Variants in RHOBTB1 observed in about 807,000 individuals in gnomAD.
The protein encoded by RHOBTB1 is Rho related BTB domain containing 1.
In RHOBTB1, 40 loss-of-function variants were observed where a neutral mutation model predicts 71.6. That is an observed-to-expected ratio of 0.56 (90% CI 0.43 to 0.73). The LOEUF (loss-of-function observed/expected upper bound fraction) is 0.73, where lower values mean the gene tolerates loss of function less well. Among genes scored for constraint, RHOBTB1 ranks in the 30% least tolerant of loss-of-function variants. RHOBTB1 has a pLI of 0.00. For missense variants in RHOBTB1, 797 were observed against 894.0 expected (o/e 0.89, Z 1.38); for synonymous variants, 319 against 334.9 (o/e 0.95, Z 0.52).
chr10:60,946,874 T>C (rs927919416), upstream of RHOBTB1, among the ~76,000 whole-genome samples: 6 of 152,190 alleles, frequency 3.9e-5, no homozygotes, highest in African/African-American at 1.4e-4. Flanking sequence ...AATTACCTAG[T>C]TGAATGCCTA....
intron 7 of RHOBTB1, among the ~76,000 whole-genome samples, chr10:60,878,823 AGCTG>A (rs1390016475): frequency 2.0e-5 from 3 of 152,104 alleles, no homozygotes; most frequent in African/African-American, 7.2e-5. Flanking sequence ...GGAGGTGGAG[AGCTG>A]TAGAGGTGGG....
At chr10:60,899,474 A>T (rs1296290690) in intron 4 of RHOBTB1, among the ~76,000 whole-genome samples, 1 of 152,196 alleles carries the variant, frequency 6.6e-6, no homozygotes, top group African/African-American at 2.4e-5. Flanking sequence ...GCTACATGGG[A>T]GGTCTCTGGG....
intron 9 of RHOBTB1, 25 bp from the exon 10 acceptor site, chr10:60,872,315 G>C: frequency 6.5e-7 from 1 of 1,549,404 alleles, no homozygotes; most frequent in Non-Finnish European, 8.9e-7. Context: ...GCAAAAGGAG[G>C]GTAAGACTAT....
rs1172532124 is a variant in RHOBTB1, at chr10:60,878,040, T to G, written c.1594A>C (p.Asn532His). Residue 532 changes from asparagine (N) to histidine (H), a missense_variant, in exon 8 of 11, where the codon AAC (asparagine) becomes CAC (histidine). Physicochemically the swap from Asn to His is moderately conservative, Grantham distance 68 (BLOSUM62 1). Coordinates refer to ENST00000337910, the MANE Select transcript of RHOBTB1 (RefSeq NM_014836.5). ...ANSEVYLPNI[N>H]KISMQAVLDY... ...AATACTGCTTGCATTGATATCTTGT[T>G]TATGTTCGGGAGATACACCTGAAAT... is the stretch of plus-strand genomic sequence containing the variant. The G allele has an allele frequency of 6.2e-7, 1 of 1,611,848 alleles. No individual in the cohort carries two copies. The highest frequency in any genetic ancestry group is 1.7e-5 in the Admixed American group (1 of 59,642).
At chr10:60,966,410 C>G (rs2085958958) in intron 2 of RHOBTB1, among the ~76,000 whole-genome samples, 1 of 151,856 alleles carries the variant, frequency 6.6e-6, no homozygotes, top group South Asian at 2.1e-4. Flanking sequence ...TAGCTCACCC[C>G]TGTAATCCCA....
intron 4 of RHOBTB1, among the ~76,000 whole-genome samples, chr10:60,905,699 C>T (rs1467899435): frequency 6.6e-6 from 1 of 152,070 alleles, no homozygotes; most frequent in East Asian, 1.9e-4. Context: ...CCTCCTGGTC[C>T]ACTTGAAGTT....
chr10:60,937,267 T>C (rs1429509826), intron 2 of RHOBTB1, among the ~76,000 whole-genome samples: 3 of 152,168 alleles, frequency 2.0e-5, no homozygotes, highest in Admixed American at 1.3e-4. Flanking sequence ...AGTTATCAAG[T>C]GCTGCAGATG....
intron 8 of RHOBTB1, 21 bp from the exon 9 acceptor site, chr10:60,875,063 A>T (rs1322765005): frequency 1.9e-6 from 3 of 1,602,094 alleles, no homozygotes; most frequent in African/African-American, 1.3e-5. Flanking sequence ...GAGAGGGGGC[A>T]GGAGAACATT....
chr10:60,966,482 C>A (rs1476307703), intron 2 of RHOBTB1, among the ~76,000 whole-genome samples: 1 of 150,328 alleles, frequency 6.7e-6, no homozygotes, highest in South Asian at 2.1e-4. Flanking sequence ...TCAGCTTGGG[C>A]AACATAGCCA....
At position 60,924,772 on chromosome 10, in the gene RHOBTB1, A is replaced by T. The variant is rs562464582; in HGVS notation, c.-10-13220T>A. Among the ~76,000 whole-genome samples the T allele has an allele frequency of 7.0e-4, 106 of 152,348 alleles. 3 individuals carry two copies. In the South Asian group the frequency reaches 0.02, roughly 29 times the overall value. Reference sequence around the variant, plus strand: ...CACAAAACAAGTCTCAAAAATTTTTAAAAAATTATATCCAGTATCTTTTCT... The same window carrying T: ...CACAAAACAAGTCTCAAAAATTTTTTAAAAATTATATCCAGTATCTTTTCT... On this transcript the variant is annotated intron_variant, in intron 2 of 10. Transcript: ENST00000337910.
intron 2 of RHOBTB1, among the ~76,000 whole-genome samples, chr10:60,980,629 T>G (rs1024944558): frequency 1.1e-4 from 17 of 152,076 alleles, no homozygotes; most frequent in Non-Finnish European, 2.9e-5. Flanking sequence ...TGTTTTATTT[T>G]CAAACTTAGA....
rs966869115 is a variant in RHOBTB1 at position 60,882,873 on chromosome 10, C to A, written c.1575+3239G>T. Among the ~76,000 whole-genome samples the A allele has an allele frequency of 4.6e-5, 7 of 152,186 alleles. No homozygotes were observed. The East Asian group carries it at 1.2e-3, about 25-fold the overall frequency. On this transcript the variant is annotated intron_variant, in intron 7 of 10. Coordinates refer to ENST00000337910, the MANE Select transcript of RHOBTB1 (RefSeq NM_014836.5). ...TTAACCCCGTATGGAAAGAATTTAA[C>A]AAGAAAACTCTAGCATAATAGTCGC...
At chr10:60,868,848 T>A (rs1482052857), downstream of RHOBTB1, among the ~76,000 whole-genome samples, 1 of 152,194 alleles carries the variant, frequency 6.6e-6, no homozygotes, top group East Asian at 1.9e-4. Context: ...GGTGGAAATG[T>A]GTTGGACATC....
At chr10:60,987,835 C>A (rs1308804876) in intron 1 of RHOBTB1, among the ~76,000 whole-genome samples, 1 of 151,152 alleles carries the variant, frequency 6.6e-6, no homozygotes, top group Non-Finnish European at 1.5e-5. Context: ...CTATCAAATG[C>A]TCTCCACCCC....
intron 4 of RHOBTB1, among the ~76,000 whole-genome samples, chr10:60,899,918 G>A (rs2082333533): frequency 6.6e-6 from 1 of 152,224 alleles, no homozygotes; most frequent in Admixed American, 6.5e-5. Flanking sequence ...GGCTAGGGAG[G>A]GCCTCGCTGA....
chr10:60,980,711 A>C (rs559042541), intron 2 of RHOBTB1, among the ~76,000 whole-genome samples: 23 of 152,328 alleles, frequency 1.5e-4, no homozygotes, highest in African/African-American at 5.1e-4. Flanking sequence ...GAAAAACCTA[A>C]ACATTGATGA....
At chr10:60,975,386 C>A (rs1320011458) in intron 2 of RHOBTB1, among the ~76,000 whole-genome samples, 1 of 152,078 alleles carries the variant, frequency 6.6e-6, no homozygotes, top group African/African-American at 2.4e-5. Context: ...AAAGACACTG[C>A]CTGCATTTGC....
intron 1 of RHOBTB1, among the ~76,000 whole-genome samples, chr10:60,942,614 C>T (rs999707545): frequency 6.6e-6 from 1 of 152,144 alleles, no homozygotes; most frequent in African/African-American, 2.4e-5. Flanking sequence ...AGAATGCAGA[C>T]ATTATTTATG....
intron 2 of RHOBTB1, among the ~76,000 whole-genome samples, chr10:60,984,805 G>A (rs1000975694): frequency 1.3e-5 from 2 of 152,104 alleles, no homozygotes; most frequent in East Asian, 3.8e-4. Flanking sequence ...AATATATGGT[G>A]TTTTAAACAT....
Sources: allele counts gnomAD v4.1 joint callset (sites outside exome capture counted in the v4.1 genomes callset), GRCh38; gene constraint gnomAD v4.1.1; transcripts MANE v1.5; gene names NCBI Gene and HGNC (gene_info 2026-07-23, HGNC 2026-07-21).